Variants in RMND5B observed in about 807,000 individuals in gnomAD.
The protein encoded by RMND5B is required for meiotic nuclear division 5 homolog B.
RMND5B carries 42 observed loss-of-function variants against 50.4 expected under a neutral mutation model. The ratio of observed to expected loss-of-function variants is 0.83; its 90% confidence interval spans 0.65 to 1.08. The LOEUF is 1.08. RMND5B is among the 50% of genes least tolerant of loss of function. RMND5B has a pLI of 0.00. For missense variants in RMND5B, 463 were observed against 508.5 expected (o/e 0.91, Z 0.86); for synonymous variants, 220 against 210.0 (o/e 1.05, Z -0.41).
In RMND5B at chr5:178,148,028, T is replaced by C; in HGVS notation, c.1178T>C (p.Phe393Ser). Residue 393 changes from phenylalanine to serine, a missense_variant, in exon 11 of 11, where the codon TTC (phenylalanine) becomes TCC (serine). Transcript: ENST00000313386. The stretch of plus-strand genomic sequence containing the variant: ...CCGGCAGATGGGAAACGCATCATAT[T>C]CTGATTCCTACCTGGAAGGAATTTT... ...QNPADGKRII[F>S] 1 of 1,614,004 alleles carries C rather than the reference T, an allele frequency of 6.2e-7. No individual in the cohort carries two copies. The highest frequency in any genetic ancestry group is 8.5e-7 in the Non-Finnish European group (1 of 1,179,954).
intron 7 of RMND5B, among the ~76,000 whole-genome samples, chr5:178,144,684 A>C (rs903076229): frequency 6.8e-6 from 1 of 147,200 alleles, no homozygotes; most frequent in Admixed American, 6.9e-5. Context: ...GCGCCACTGC[A>C]CTCCAGCCTG....
intron 3 of RMND5B, among the ~76,000 whole-genome samples, chr5:178,139,355 G>A (rs966056815): frequency 1.3e-5 from 2 of 151,490 alleles, no homozygotes; most frequent in Non-Finnish European, 2.9e-5. Flanking sequence ...AAAGGCGCAT[G>A]CCACCACCTG....
At chr5:178,136,743 T>C (rs186366371) in intron 2 of RMND5B, among the ~76,000 whole-genome samples, 8 of 152,252 alleles carry the variant, frequency 5.3e-5, no homozygotes, top group South Asian at 2.1e-4. Flanking sequence ...GAATGGGCAT[T>C]GGGCTAGATC....
rs752650268 is a variant in RMND5B, at chr5:178,138,161, C to A, written c.42C>A (p.Val14=). Residue 14 remains valine, a synonymous_variant, in exon 3 of 11, where the codon GTC becomes GTA. Coordinates refer to ENST00000313386, the MANE Select transcript of RMND5B (RefSeq NM_022762.5). The surrounding 1 kb of genome is among the most constrained non-coding windows in gnomAD (Gnocchi z 5.1). ...CACVERELDK[V]LQKFLTYGQH... ...GCGTGGAGAGAGAGCTGGACAAGGTCCTGCAGAAGTTCCTGACCTACGGGC... is the reference window on the plus strand; with the variant it reads ...GCGTGGAGAGAGAGCTGGACAAGGTACTGCAGAAGTTCCTGACCTACGGGC... 26 of 1,612,758 alleles carry A rather than the reference C, an allele frequency of 1.6e-5. No individual in the cohort carries two copies. The highest frequency in any genetic ancestry group is 2.1e-5 in the Non-Finnish European group (25 of 1,179,514).
chr5:178,132,789 CAA>C (rs58710080), intron 2 of RMND5B, among the ~76,000 whole-genome samples: 69 of 38,904 alleles, frequency 1.8e-3, no homozygotes, highest in Middle Eastern at 0.017. Context: ...CCCTGCCTCA[CAA>C]AAAAAAAAAA....
intron 7 of RMND5B, among the ~76,000 whole-genome samples, chr5:178,144,756 C>T (rs1755896070): frequency 6.8e-6 from 1 of 147,710 alleles, no homozygotes; most frequent in Non-Finnish European, 1.5e-5. Flanking sequence ...TGCGATGGCT[C>T]ATGCCTGTAA....
chr5:178,145,950 A>G (rs988677973), intron 7 of RMND5B, 164 bp from the exon 8 acceptor site: 16 of 615,174 alleles, frequency 2.6e-5, no homozygotes, highest in Middle Eastern at 4.5e-4. Flanking sequence ...TGGATTTTAC[A>G]GTCAAATTTG....
Position 178,144,125 on chromosome 5 carries a change from C to T in RMND5B, c.694+17C>T, listed in dbSNP as rs1581125830. 1.2e-6 allele frequency: 2 copies of T among 1,609,920 alleles called. No homozygotes were observed. Among genetic ancestry groups the T allele is most frequent in the African/African-American group, 2.7e-5 (2 of 75,032 alleles). ...ACCAGCGGGGTGAGTGCCCAGGCAG[C>T]TGGGGTTGTGCTGCCTGGCCTGACA... On this transcript the variant is annotated intron_variant, in intron 7 of 10. Transcript: ENST00000313386.
rs1360261549 is a variant in RMND5B at position 178,148,946 on chromosome 5, G to A, written c.*914G>A. On this transcript the variant is annotated 3_prime_UTR_variant, in exon 11 of 11. Coordinates refer to ENST00000313386, the MANE Select transcript of RMND5B (RefSeq NM_022762.5). ...TATTCCAGGGTGCCTGAACTTGGCT[G>A]TTATGTATACTGAGTCCTGTGCAGG... 3 of 152,310 alleles carry A rather than the reference G, an allele frequency of 2.0e-5. No homozygotes were observed. Among genetic ancestry groups the A allele is most frequent in the African/African-American group, 7.2e-5 (3 of 41,452 alleles). 9.4% of individuals were successfully genotyped at this position (152,310 alleles called of 1,614,324 possible). A position where few individuals can be genotyped will look rare whatever the true frequency, so the allele number is the denominator to read the frequency against.
intron 2 of RMND5B, chr5:178,136,054 T>C (rs1293742988): frequency 2.0e-5 from 3 of 152,196 alleles, no homozygotes; most frequent in African/African-American, 7.2e-5. Flanking sequence ...GTCCTGGGAG[T>C]ACCTGTGATG....
rs371214275 is a variant in RMND5B, at chr5:178,144,106, G to C, written c.692G>C (p.Arg231Pro). The change falls in exon 7 of 11, where the codon CGG becomes CCG. Residue 231 changes from arginine (R) to proline (P), a missense_variant and splice_region_variant. Transcript: ENST00000313386. ...CAGCCCTTTGCTCGGCTGCACCAGC[G>C]GGGTGAGTGCCCAGGCAGCTGGGGT... is the stretch of plus-strand genomic sequence containing the variant. The part of the protein sequence containing the change: ...HFQPFARLHQ[R>P]EIQVMMGSLV... 6.2e-7 allele frequency: 1 copy of C among 1,612,646 alleles called. No homozygotes were observed. The highest frequency in any genetic ancestry group is 8.5e-7 in the Non-Finnish European group (1 of 1,179,204).
intron 2 of RMND5B, among the ~76,000 whole-genome samples, chr5:178,136,480 C>T (rs990757616): frequency 8.6e-5 from 13 of 152,024 alleles, no homozygotes; most frequent in Admixed American, 5.9e-4. Flanking sequence ...TAGATTCCAG[C>T]GTAATAGCAT....
intron 2 of RMND5B, among the ~76,000 whole-genome samples, chr5:178,133,115 G>A (rs990553216): frequency 2.2e-4 from 33 of 151,694 alleles, no homozygotes; most frequent in African/African-American, 7.5e-4. Context: ...CGCCTGCCTC[G>A]GCCTCCCAAA....
chr5:178,141,065 CAT>C lies in RMND5B; in HGVS notation c.140-1515_140-1514del, dbSNP rs1160423381. ...CCTTTCATTATTATCACTTCACACT[CAT>C]ATTCTTATTTTATTCAATAGGTTAT... On this transcript the variant is annotated intron_variant, in intron 3 of 10. Transcript: ENST00000313386. 2.0e-5 allele frequency among the ~76,000 whole-genome samples: 3 copies of C among 152,300 alleles called. No individual in the cohort carries two copies. The South Asian group carries it at 6.2e-4, about 32-fold the overall frequency.
chr5:178,147,638 G>A lies in RMND5B; in HGVS notation c.963+3G>A. On this transcript the variant is annotated splice_donor_region_variant and intron_variant, in intron 9 of 10. Coordinates refer to ENST00000313386, the MANE Select transcript of RMND5B (RefSeq NM_022762.5). ...GGAATCACAAGGACGAGTTACCGGT[G>A]AGGCCTGGTCTGGGGAATCGTGGGC... 1 of 1,614,148 alleles carries A rather than the reference G, an allele frequency of 6.2e-7. No individual in the cohort carries two copies. Among genetic ancestry groups the A allele is most frequent in the Non-Finnish European group, 8.5e-7 (1 of 1,180,002 alleles).
In RMND5B at chr5:178,143,664, C is replaced by G. The variant is rs369805544; in HGVS notation, c.464C>G (p.Pro155Arg). 9.3e-6 allele frequency: 15 copies of G among 1,614,072 alleles called. No homozygotes were observed. The East Asian group carries it at 3.3e-4, about 36-fold the overall frequency. Residue 155 changes from proline (P) to arginine (R), a missense_variant, in exon 6 of 11, where the codon CCT (proline) becomes CGT (arginine). Transcript: ENST00000313386. ...AATGTGGACTTGGATTTCAAGCAGCCTTTCCTAGAGTTGAATCGAATCCTG... is the reference window on the plus strand; with the variant it reads ...AATGTGGACTTGGATTTCAAGCAGCGTTTCCTAGAGTTGAATCGAATCCTG... ...TLNVDLDFKQ[P>R]FLELNRILEA...
chr5:178,142,862 C>CT lies in RMND5B; in HGVS notation c.297dup (p.Glu100Ter), dbSNP rs781707000. On this transcript the variant is annotated frameshift_variant, in exon 5 of 11. Coordinates refer to ENST00000313386, the MANE Select transcript of RMND5B (RefSeq NM_022762.5). LOFTEE classifies it high-confidence loss of function. ...CTCCTCCTTCGTCAGAACTTCGACT[C>CT]TGAGATCTGTGGTGTTGTGTCAGAT... is the stretch of plus-strand genomic sequence containing the variant. The CT allele has an allele frequency of 3.7e-6, 6 of 1,614,128 alleles. No homozygotes were observed. The highest frequency in any genetic ancestry group is 2.7e-5 in the African/African-American group (2 of 74,942).
At chr5:178,146,388 C>A in intron 8 of RMND5B, 109 bp downstream of exon 8, 2 of 1,014,670 alleles carry the variant, frequency 2.0e-6, no homozygotes, top group Non-Finnish European at 2.9e-6. Context: ...TTTCAGAGAC[C>A]GAAACTGGCT....
In RMND5B at chr5:178,142,713, C is replaced by A; in HGVS notation, c.270C>A (p.Gly90=). ...KDIHSSVSRV[G]KAIDRNFDSE... is the part of the protein sequence containing the mutation. ...TTCACAGCAGTGTATCCCGAGTGGGCAAAGCCATTGACAGGGTGAGCACGT... is the reference window on the plus strand; with the variant it reads ...TTCACAGCAGTGTATCCCGAGTGGGAAAAGCCATTGACAGGGTGAGCACGT... Residue 90 remains glycine, a synonymous_variant, in exon 4 of 11, where the codon GGC becomes GGA. Transcript: ENST00000313386. The A allele has an allele frequency of 6.2e-7, 1 of 1,614,230 alleles. No individual in the cohort carries two copies. The highest frequency in any genetic ancestry group is 8.5e-7 in the Non-Finnish European group (1 of 1,180,040).
Sources: gnomAD v4.1 joint callset for allele counts (sites outside exome capture counted in the v4.1 genomes callset) on GRCh38, gnomAD v4.1.1 for gene constraint, Gnocchi (gnomAD v3.1) non-coding constraint, MANE v1.5 for transcripts, NCBI Gene and HGNC (gene_info 2026-07-23, HGNC 2026-07-21) for gene names.